The following WWC2 variants were observed in gnomAD, a reference collection of about 807,000 sequenced individuals.
WWC2 encodes WW and C2 domain containing 2, also known as protein WWC2.
A neutral mutation model predicts 138.5 loss-of-function variants in WWC2; 101 were observed. The observed-to-expected ratio is 0.73, with a 90% confidence interval of 0.62 to 0.86. The LOEUF (loss-of-function observed/expected upper bound fraction) is 0.86. Among genes scored for constraint, WWC2 ranks in the 40% least tolerant of loss-of-function variants. The probability of loss-of-function intolerance (pLI) is 0.00; values close to 1 mark genes in which losing one functional copy is unlikely to be tolerated. For missense variants in WWC2, 1,420 were observed against 1,419.4 expected (o/e 1.00, Z -0.01); for synonymous variants, 558 against 538.4 (o/e 1.04, Z -0.50).
chr4:183,253,764 A>G lies in WWC2; in HGVS notation c.961A>G (p.Asn321Asp). The G allele has an allele frequency of 1.2e-6, 2 of 1,607,784 alleles. No homozygotes were observed. Among genetic ancestry groups the G allele is most frequent in the Non-Finnish European group, 1.7e-6 (2 of 1,178,292 alleles). ...CTATCTTTTTTTTTTTAGTATGGCC[A>G]ACTTAAAAATTGAACTGTCAAAATT... ...QYEEAKRSMA[N>D]LKIELSKLDS... Residue 321 changes from asparagine to aspartate, a missense_variant, in exon 9 of 23, where the codon AAC (asparagine) becomes GAC (aspartate). Asn to Asp is a conservative substitution (Grantham distance 23). Transcript: ENST00000403733.
rs535213652 is a variant in WWC2 at position 183,315,259 on chromosome 4, AG to A, written c.3513-403del. 1.5e-4 allele frequency among the ~76,000 whole-genome samples: 23 copies of A among 152,222 alleles called. No individual in the cohort carries two copies. In the East Asian group the frequency reaches 4.4e-3, roughly 29 times the overall value. On this transcript the variant is annotated intron_variant, in intron 22 of 22. Transcript: ENST00000403733. Reference sequence around the variant, plus strand: ...CTGCCCCGGCATGGTATCGATGTAAAGACTTTTCCTGTTATTGTGTGCTTTT... The same window carrying A: ...CTGCCCCGGCATGGTATCGATGTAAAACTTTTCCTGTTATTGTGTGCTTTT...
intron 16 of WWC2, among the ~76,000 whole-genome samples, chr4:183,275,454 G>A (rs1737822972): frequency 6.6e-6 from 1 of 152,064 alleles, no homozygotes; most frequent in Admixed American, 6.6e-5. Context: ...TTTCATAGAT[G>A]TCCTTTATCA....
At position 183,248,678 on chromosome 4, in the gene WWC2, T is replaced by G. The variant is rs577462909; in HGVS notation, c.733-36T>G. ...TAGGGAAGGTTTGCTGTCTTACTTG[T>G]TAAGCTTTATGAAACACTTTGTGTT... On this transcript the variant is annotated intron_variant, in intron 6 of 22. Coordinates refer to ENST00000403733, the MANE Select transcript of WWC2 (RefSeq NM_024949.6). 1.8e-5 allele frequency: 28 copies of G among 1,538,968 alleles called. No individual in the cohort carries two copies. In the African/African-American group the frequency reaches 2.0e-4, roughly 11 times the overall value.
intron 5 of WWC2, among the ~76,000 whole-genome samples, chr4:183,242,557 T>C (rs1736657133): frequency 6.6e-6 from 1 of 152,206 alleles, no homozygotes; most frequent in Non-Finnish European, 1.5e-5. Context: ...AAGATGCCTG[T>C]TTCCATTTGC....
chr4:183,163,450 G>A (rs1314957042), intron 1 of WWC2, among the ~76,000 whole-genome samples: 1 of 152,174 alleles, frequency 6.6e-6, no homozygotes, highest in African/African-American at 2.4e-5. Flanking sequence ...TAAAAAAACT[G>A]GTCACATGAT....
At chr4:183,122,630 G>A (rs942808556) in intron 1 of WWC2, among the ~76,000 whole-genome samples, 16 of 152,022 alleles carry the variant, frequency 1.1e-4, no homozygotes, top group South Asian at 6.2e-4. Flanking sequence ...AGCGATTCTC[G>A]TGCCTCAGCC....
At chr4:183,239,240 G>A (rs936839755) in intron 4 of WWC2, among the ~76,000 whole-genome samples, 2 of 151,976 alleles carry the variant, frequency 1.3e-5, no homozygotes, top group South Asian at 2.1e-4. Context: ...GCTTGAACCC[G>A]GGAGGCGGAG....
intron 11 of WWC2, among the ~76,000 whole-genome samples, 181 bp downstream of exon 11, chr4:183,261,713 A>G (rs1168083622): frequency 1.3e-5 from 2 of 152,222 alleles, no homozygotes; most frequent in Non-Finnish European, 2.9e-5. Context: ...TCATTATCAA[A>G]TAAAAATTAC....
intron 21 of WWC2, among the ~76,000 whole-genome samples, chr4:183,307,826 C>A (rs1253115110): frequency 1.3e-5 from 2 of 152,184 alleles, no homozygotes; most frequent in African/African-American, 4.8e-5. Context: ...CCTCTCACAT[C>A]TTCTTTTCTG....
At chr4:183,219,567 A>G (rs979389849) in intron 4 of WWC2, among the ~76,000 whole-genome samples, 60 of 152,338 alleles carry the variant, frequency 3.9e-4, no homozygotes, top group African/African-American at 1.4e-3. Flanking sequence ...AACAAAGATA[A>G]TAAAATAGGT....
At position 183,278,616 on chromosome 4, in the gene WWC2, A is replaced by C. The variant is rs1034814247; in HGVS notation, c.2563-2160A>C. Among the ~76,000 whole-genome samples the C allele has an allele frequency of 1.1e-4, 16 of 151,878 alleles. 1 individual carries two copies. Among genetic ancestry groups the C allele is most frequent in the Admixed American group, 9.2e-4 (14 of 15,266 alleles). The stretch of plus-strand genomic sequence containing the variant: ...TGATTCTTCCTACCCATGAGCATGG[A>C]ATGTTCTTCCATTTGTTTGTATCCT... On this transcript the variant is annotated intron_variant, in intron 16 of 22. Transcript: ENST00000403733.
rs1232893679 is a variant in WWC2 at position 183,099,637 on chromosome 4, CG to C, written c.131+20del. 4.6e-6 allele frequency: 6 copies of C among 1,318,618 alleles called. No individual in the cohort carries two copies. The highest frequency in any genetic ancestry group is 2.9e-5 in the Admixed American group (1 of 34,538). The allele number at this position is 1,318,618 out of a possible 1,614,324, so 81.7% of individuals were successfully genotyped here. A position where few individuals can be genotyped will look rare whatever the true frequency, so the allele number is the denominator to read the frequency against. ...CCCCGGGACAGGTGGGCGCCGGCCG[CG>C]GGGGCGCGGGCCCGTTCGGACACGG... On this transcript the variant is annotated intron_variant, in intron 1 of 22. Coordinates refer to ENST00000403733, the MANE Select transcript of WWC2 (RefSeq NM_024949.6).
intron 1 of WWC2, among the ~76,000 whole-genome samples, chr4:183,172,302 C>T (rs1387491533): frequency 1.3e-5 from 2 of 152,162 alleles, no homozygotes; most frequent in East Asian, 3.9e-4. Flanking sequence ...TGCTCATTTG[C>T]TGGATATCAT....
At chr4:183,152,221 C>T (rs917393365) in intron 1 of WWC2, among the ~76,000 whole-genome samples, 1 of 152,014 alleles carries the variant, frequency 6.6e-6, no homozygotes, top group Non-Finnish European at 1.5e-5. Context: ...AATATATAGC[C>T]CACCATGGTG....
chr4:183,256,562 C>T (rs1003965790), intron 9 of WWC2, among the ~76,000 whole-genome samples: 2 of 152,104 alleles, frequency 1.3e-5, no homozygotes, highest in African/African-American at 4.8e-5. Flanking sequence ...AAGAGAACGC[C>T]CTTGCCAGCA....
chr4:183,206,090 C>T (rs575217829), intron 2 of WWC2, among the ~76,000 whole-genome samples: 1 of 152,216 alleles, frequency 6.6e-6, no homozygotes, highest in Admixed American at 6.5e-5. Context: ...TGAGTTACCC[C>T]TCTTTGCACT....
chr4:183,197,991 G>A (rs1267585392), intron 2 of WWC2, among the ~76,000 whole-genome samples: 2 of 152,130 alleles, frequency 1.3e-5, no homozygotes, highest in African/African-American at 4.8e-5. Flanking sequence ...CATGTAAAAG[G>A]ATTGTGTTCA....
chr4:183,230,226 A>T (rs1356656743), intron 4 of WWC2, among the ~76,000 whole-genome samples: 1 of 152,056 alleles, frequency 6.6e-6, no homozygotes, highest in Non-Finnish European at 1.5e-5. Flanking sequence ...AATTCAAAAA[A>T]GTCTGTAGTT....
At chr4:183,229,289 T>C (rs1043199508) in intron 4 of WWC2, among the ~76,000 whole-genome samples, 12 of 152,136 alleles carry the variant, frequency 7.9e-5, no homozygotes, top group African/African-American at 2.4e-4. Flanking sequence ...GTCAAACATA[T>C]ATGAATGTTC....
Sources: gnomAD v4.1 joint callset for allele counts (sites outside exome capture counted in the v4.1 genomes callset) on GRCh38, gnomAD v4.1.1 for gene constraint, MANE v1.5 for transcripts, NCBI Gene and HGNC (gene_info 2026-07-23, HGNC 2026-07-21) for gene names.